HSPD1: variants seen among roughly 807,000 people sequenced by gnomAD.
The protein encoded by HSPD1 is 60 kDa heat shock protein, mitochondrial.
In HSPD1, 3 loss-of-function variants were observed where a neutral mutation model predicts 53.0. The observed-to-expected ratio is 0.06, with a 90% CI of 0.03 to 0.15. The LOEUF is 0.15. Among genes scored for constraint, HSPD1 ranks in the 10% least tolerant of loss-of-function variants. The pLI is 1.00. For synonymous variants in HSPD1, 200 were observed against 228.0 expected (o/e 0.88, Z 1.10); for missense variants, 431 against 694.1 (o/e 0.62, Z 4.26).
chr2:197,498,577 A>T, intron 2 of HSPD1, 98 bp downstream of exon 2: 1 of 1,075,496 alleles, frequency 9.3e-7, no homozygotes, highest in South Asian at 1.3e-5. Context: ...TCTCTCAAAA[A>T]TGGAGATGAA....
At chr2:197,493,158 C>T (rs369553763) in intron 7 of HSPD1, among the ~76,000 whole-genome samples, 166 bp downstream of exon 7, 1 of 152,044 alleles carries the variant, frequency 6.6e-6, no homozygotes, top group Non-Finnish European at 1.5e-5. Context: ...AAAAACACAA[C>T]CATAAGGATA....
At chr2:197,488,095 T>C in intron 10 of HSPD1, 59 bp from the exon 11 acceptor site, 1 of 1,270,976 alleles carries the variant, frequency 7.9e-7, no homozygotes, top group Non-Finnish European at 1.1e-6. Context: ...GTAACACATT[T>C]ATAAGTTGTG....
In HSPD1 at chr2:197,491,613, AG is replaced by A. The variant is rs1462445840; in HGVS notation, c.870-1318del. ...GCATTTCTACTATAACAAAATGGAA[AG>A]AAAAGTCTTGCTTCTGACATACTTC... On this transcript the variant is annotated intron_variant, in intron 7 of 11. Coordinates refer to ENST00000388968, the MANE Select transcript of HSPD1 (RefSeq NM_002156.5). 2.6e-5 allele frequency among the ~76,000 whole-genome samples: 4 copies of A among 152,206 alleles called. No individual in the cohort carries two copies. The East Asian group carries it at 7.7e-4, about 29-fold the overall frequency.
Position 197,493,476 on chromosome 2 carries a change from G to C in HSPD1, c.717C>G (p.Phe239Leu). The change falls in exon 7 of 12, where the codon TTC becomes TTG. Residue 239 changes from phenylalanine to leucine, a missense_variant. This residue lies in a region of HSPD1 where 386 missense variants were observed against 657.6 expected (regional missense o/e 0.59). Coordinates refer to ENST00000388968, the MANE Select transcript of HSPD1 (RefSeq NM_002156.5). ...CACTCAACAGAACATAGGCATCCTG[G>C]AATTCACATTTCTGACCTGTAAAAA... The part of the protein sequence containing the change: ...INTSKGQKCE[F>L]QDAYVLLSEK... The C allele has an allele frequency of 6.2e-7, 1 of 1,610,588 alleles. No homozygotes were observed. Among genetic ancestry groups the C allele is most frequent in the Non-Finnish European group, 8.5e-7 (1 of 1,176,906 alleles).
intron 1 of HSPD1, chr2:197,499,145 GA>G: frequency 2.1e-6 from 1 of 483,646 alleles, no homozygotes; most frequent in Non-Finnish European, 3.8e-6. Flanking sequence ...CTTTCACCGC[GA>G]AAACGGCCTT....
intron 3 of HSPD1, chr2:197,496,905 G>T: frequency 3.8e-6 from 2 of 532,082 alleles, no homozygotes; most frequent in Admixed American, 6.2e-5. Flanking sequence ...GCAAGACCCT[G>T]TCTCTAAAAA....
At chr2:197,499,319 G>A (rs1256452265) in intron 1 of HSPD1, 10 of 175,424 alleles carry the variant, frequency 5.7e-5, no homozygotes, top group Non-Finnish European at 2.5e-5. Flanking sequence ...CTGTATCAGA[G>A]CAACCAGCAA....
chr2:197,497,219 A>G lies in HSPD1; in HGVS notation c.348T>C (p.Ala116=). ...TGGCTATAGAGCGTGCCAGTACAGT[A>G]GCAGTGGTAGTGCCATCCCCAGCTT... ...NEEAGDGTTT[A]TVLARSIAKE... The change falls in exon 3 of 12, where the codon GCT becomes GCC. Residue 116 remains alanine, a synonymous_variant. Coordinates refer to ENST00000388968, the MANE Select transcript of HSPD1 (RefSeq NM_002156.5). 2 of 1,613,860 alleles carry G rather than the reference A, an allele frequency of 1.2e-6. No homozygotes were observed. The highest frequency in any genetic ancestry group is 1.7e-6 in the Non-Finnish European group (2 of 1,179,722).
rs375104586 is a variant in HSPD1 at position 197,498,870 on chromosome 2, G to A, written c.-2-20C>T. On this transcript the variant is annotated intron_variant, in intron 1 of 11. Coordinates refer to ENST00000388968, the MANE Select transcript of HSPD1 (RefSeq NM_002156.5). ...GCATTTCTGGGGATGGAAGCAAAAAGATCATCAGAACTACCACCCGTGGTG... is the reference window on the plus strand; with the variant it reads ...GCATTTCTGGGGATGGAAGCAAAAAAATCATCAGAACTACCACCCGTGGTG... 748 of 1,612,486 alleles carry A rather than the reference G, an allele frequency of 4.6e-4. 2 individuals carry two copies. The African/African-American group carries it at 7.9e-3, about 17-fold the overall frequency.
upstream of HSPD1, chr2:197,500,214 G>C (rs1005196440): frequency 8.2e-6 from 5 of 609,120 alleles, no homozygotes; most frequent in South Asian, 2.1e-5. Context: ...TTCCGCCTCC[G>C]AGTCTTCGCG....
chr2:197,488,638 G>T (rs770055818), intron 9 of HSPD1, 147 bp from the exon 10 acceptor site: 6 of 801,046 alleles, frequency 7.5e-6, no homozygotes, highest in Non-Finnish European at 1.1e-5. Context: ...GGAGGCTGAG[G>T]TGAGTGGATC....
In HSPD1 at chr2:197,494,267, A is replaced by T. The variant is rs1356785236; in HGVS notation, c.607-17T>A. ...TTTTCCATCCTATGAAAAGTCAAAG[A>T]ATTAGGTATATGGATTTCATTGAAC... On this transcript the variant is annotated splice_polypyrimidine_tract_variant and intron_variant, in intron 5 of 11. Coordinates refer to ENST00000388968, the MANE Select transcript of HSPD1 (RefSeq NM_002156.5). 8.4e-7 allele frequency: 1 copy of T among 1,191,606 alleles called. No homozygotes were observed. Among genetic ancestry groups the T allele is most frequent in the African/African-American group, 1.5e-5 (1 of 66,976 alleles). 73.8% of individuals were successfully genotyped at this position (1,191,606 alleles called of 1,614,324 possible).
chr2:197,499,252 T>C (rs2086204681), intron 1 of HSPD1: 2 of 306,092 alleles, frequency 6.5e-6, no homozygotes, highest in Admixed American at 9.8e-5. Context: ...TTAAAAGTAT[T>C]CCTGACGGTG....
Position 197,487,270 on chromosome 2 carries a change from G to A in HSPD1, c.1570-72C>T. Reference sequence around the variant, plus strand: ...CAAGACTTATTGAAAATTTCTGTCTGGGCATGGTGGCTCACACCTGTAATC... The same window carrying A: ...CAAGACTTATTGAAAATTTCTGTCTAGGCATGGTGGCTCACACCTGTAATC... On this transcript the variant is annotated intron_variant, in intron 11 of 11. Transcript: ENST00000388968. 3 of 1,372,804 alleles carry A rather than the reference G, an allele frequency of 2.2e-6. No homozygotes were observed. In the South Asian group the frequency reaches 3.6e-5, roughly 17 times the overall value. The allele number at this position is 1,372,804 out of a possible 1,614,324, so 85.0% of individuals were successfully genotyped here.
intron 3 of HSPD1, among the ~76,000 whole-genome samples, chr2:197,496,573 G>A (rs1389077585): frequency 6.6e-6 from 1 of 152,122 alleles, no homozygotes; most frequent in Non-Finnish European, 1.5e-5. Flanking sequence ...TGACAAACAT[G>A]GGACTAGAAT....
At position 197,499,378 on chromosome 2, in the gene HSPD1, G is replaced by T. The variant is rs372847932; in HGVS notation, c.-3+404C>A. 659 of 163,568 alleles carry T rather than the reference G, an allele frequency of 4.0e-3. 3 individuals carry two copies. Among genetic ancestry groups the T allele is most frequent in the African/African-American group, 0.015 (631 of 41,552 alleles). 10.1% of individuals were successfully genotyped at this position (163,568 alleles called of 1,614,324 possible). On this transcript the variant is annotated intron_variant, in intron 1 of 11. Coordinates refer to ENST00000388968, the MANE Select transcript of HSPD1 (RefSeq NM_002156.5). ...CCCGGCCCACTCGGCGCGAGCCCAC[G>T]TGTCCTTCTTTCCGAACGCCCCCAG...
chr2:197,490,154 G>A (rs1574597699), intron 8 of HSPD1, 43 bp downstream of exon 8: 1 of 1,286,640 alleles, frequency 7.8e-7, no homozygotes, highest in Non-Finnish European at 1.1e-6. Flanking sequence ...TTCCAGACAA[G>A]TATAAACATT....
intron 11 of HSPD1, 93 bp from the exon 12 acceptor site, chr2:197,487,291 T>A: frequency 1.8e-6 from 2 of 1,130,400 alleles, no homozygotes; most frequent in African/African-American, 1.5e-5. Context: ...CTCACACCTG[T>A]AATCCAGCAC....
chr2:197,495,320 C>G lies in HSPD1; in HGVS notation c.484G>C (p.Val162Leu), dbSNP rs2086144247. Reference sequence around the variant, plus strand: ...TGTGCAATTTCTTCAGGGGTGGTCACAGGTTTAGACTGCTTTTTAAGTTCA... The same window carrying G: ...TGTGCAATTTCTTCAGGGGTGGTCAGAGGTTTAGACTGCTTTTTAAGTTCA... The part of the protein sequence containing the change: ...IAELKKQSKP[V>L]TTPEEIAQVA... Residue 162 changes from valine (V) to leucine (L), a missense_variant, in exon 4 of 12, where the codon GTG becomes CTG. Val to Leu is a conservative substitution (Grantham distance 32). Around this residue, in one of 2 missense-constraint regions of HSPD1, gnomAD observed 386 missense variants for 657.6 expected, o/e 0.59. Transcript: ENST00000388968. The G allele has an allele frequency of 6.2e-7, 1 of 1,610,036 alleles. No individual in the cohort carries two copies. The highest frequency in any genetic ancestry group is 8.5e-7 in the Non-Finnish European group (1 of 1,176,628).
Sources: gnomAD v4.1 joint callset for allele counts (sites outside exome capture counted in the v4.1 genomes callset) on GRCh38, gnomAD v4.1.1 for gene constraint, gnomAD v4.1.1 regional missense constraint, MANE v1.5 for transcripts, NCBI Gene and HGNC (gene_info 2026-07-23, HGNC 2026-07-21) for gene names.